Variants in CTBP2 observed in about 807,000 individuals in gnomAD.
CTBP2 encodes the protein C-terminal-binding protein 2.
Under a neutral mutation model 80.3 loss-of-function variants are expected in CTBP2, and 30 were observed. The observed-to-expected ratio is 0.37, with a 90% CI of 0.28 to 0.51. The LOEUF is 0.51. CTBP2 is among the 20% of genes least tolerant of loss of function. The pLI is 0.93. For synonymous variants in CTBP2, 594 were observed against 587.4 expected, an observed-to-expected ratio of 1.01 and a Z score of -0.16; for missense variants, 1,212 against 1,375.3, an observed-to-expected ratio of 0.88 and a Z score of 1.88.
intron 1 of CTBP2, chr10:125,159,924 C>CGCT (rs1227715507): frequency 6.5e-6 from 1 of 154,116 alleles, no homozygotes; most frequent in East Asian, 1.9e-4. Context: ...CCGCCGCCGC[C>CGCT]GCTGCCCTCC....
chr10:125,101,053 G>T (rs1054740692), intron 2 of CTBP2, among the ~76,000 whole-genome samples: 7 of 152,146 alleles, frequency 4.6e-5, no homozygotes, highest in African/African-American at 1.7e-4. Flanking sequence ...AAGATTACAC[G>T]ATCCAGGGAT....
intron 1 of CTBP2, among the ~76,000 whole-genome samples, chr10:125,111,431 C>A (rs1564944000): frequency 6.6e-6 from 1 of 152,158 alleles, no homozygotes; most frequent in African/African-American, 2.4e-5. Flanking sequence ...AGAATCAATA[C>A]CTTCAAGCAA....
At chr10:125,005,105 A>C (rs1410162319) in intron 1 of CTBP2, among the ~76,000 whole-genome samples, 1 of 152,192 alleles carries the variant, frequency 6.6e-6, no homozygotes, top group African/African-American at 2.4e-5. Flanking sequence ...TGTTAAGACT[A>C]TACACGGTGC....
intron 1 of CTBP2, among the ~76,000 whole-genome samples, chr10:125,145,250 C>T (rs1356071139): frequency 6.6e-6 from 1 of 152,138 alleles, no homozygotes; most frequent in African/African-American, 2.4e-5. Flanking sequence ...CTGCATCAGG[C>T]ACCCCCTGGA....
At chr10:125,062,639 GGATCACCTGA>G (rs1263550055) in intron 2 of CTBP2, among the ~76,000 whole-genome samples, 7 of 152,174 alleles carry the variant, frequency 4.6e-5, no homozygotes, top group African/African-American at 1.7e-4. Flanking sequence ...CAAGGCAGCT[GGATCACCTGA>G]GGTCAGTTTA....
intron 1 of CTBP2, among the ~76,000 whole-genome samples, chr10:125,113,626 A>G (rs919685623): frequency 6.6e-5 from 10 of 152,210 alleles, no homozygotes; most frequent in African/African-American, 2.4e-4. Context: ...TGGAAAAGGA[A>G]CTGGGGAGGT....
chr10:125,116,448 C>T lies in CTBP2; in HGVS notation c.-205-5355G>A, dbSNP rs562301138. ...GTCCCACCCTTCTCCCCACACTCTG[C>T]CCCTCCTCCCAACACTCTGGCCCCC... is the stretch of plus-strand genomic sequence containing the variant. On this transcript the variant is annotated intron_variant, in intron 1 of 10. Coordinates refer to the CTBP2 transcript ENST00000337195. Among the ~76,000 whole-genome samples the T allele has an allele frequency of 8.7e-5, 13 of 150,222 alleles. 1 individual carries two copies. The South Asian group carries it at 2.7e-3, about 31-fold the overall frequency.
intron 1 of CTBP2, among the ~76,000 whole-genome samples, chr10:125,117,243 C>A (rs1321439068): frequency 1.3e-5 from 2 of 152,190 alleles, no homozygotes; most frequent in Non-Finnish European, 2.9e-5. Flanking sequence ...ACTGGGATGG[C>A]CGCCAGCTGG....
intron 8 of CTBP2, among the ~76,000 whole-genome samples, chr10:124,991,021 G>A (rs1222996602): frequency 6.6e-6 from 1 of 152,228 alleles, no homozygotes; most frequent in Admixed American, 6.5e-5. Context: ...ATACTCCCAT[G>A]GCCTGAGATG....
At chr10:125,013,009 C>T (rs531030099) in intron 1 of CTBP2, among the ~76,000 whole-genome samples, 1 of 152,338 alleles carries the variant, frequency 6.6e-6, no homozygotes, top group East Asian at 1.9e-4. Context: ...GAGGTGCCCA[C>T]CTCGCCTCTC....
At chr10:125,122,625 A>G (rs1854526493) in intron 1 of CTBP2, 3 of 152,278 alleles carry the variant, frequency 2.0e-5, no homozygotes, top group Admixed American at 2.0e-4. Context: ...TACACTGTGC[A>G]AACACATGCA....
chr10:125,153,522 C>A (rs1009760442), intron 1 of CTBP2, among the ~76,000 whole-genome samples: 2 of 152,190 alleles, frequency 1.3e-5, no homozygotes, highest in African/African-American at 4.8e-5. Flanking sequence ...GCCTTTCACC[C>A]CCTCCAGCAG....
intron 2 of CTBP2, among the ~76,000 whole-genome samples, chr10:125,063,278 G>A (rs1844101614): frequency 6.6e-6 from 1 of 152,278 alleles, no homozygotes; most frequent in South Asian, 2.1e-4. Context: ...TGGGCGAATC[G>A]GTCTGGTGGG....
intron 1 of CTBP2, among the ~76,000 whole-genome samples, chr10:125,119,904 G>A (rs1263738582): frequency 6.6e-6 from 1 of 152,192 alleles, no homozygotes; most frequent in Non-Finnish European, 1.5e-5. Flanking sequence ...CAGGTTTTCG[G>A]GCCACACCAA....
At chr10:125,141,733 C>T (rs1409349840) in intron 1 of CTBP2, among the ~76,000 whole-genome samples, 1 of 152,222 alleles carries the variant, frequency 6.6e-6, no homozygotes, top group Non-Finnish European at 1.5e-5. Context: ...GGCAAATGCA[C>T]AGCAGGTACA....
chr10:125,067,882 C>T (rs1204678983), intron 2 of CTBP2, among the ~76,000 whole-genome samples: 1 of 152,212 alleles, frequency 6.6e-6, no homozygotes, highest in Non-Finnish European at 1.5e-5. Context: ...AGTGCAGTGT[C>T]TGCCCAAGAA....
intron 1 of CTBP2, among the ~76,000 whole-genome samples, chr10:125,118,895 A>G (rs1853831837): frequency 6.6e-6 from 1 of 152,230 alleles, no homozygotes; most frequent in Non-Finnish European, 1.5e-5. Flanking sequence ...CTGTAAGTGG[A>G]CAAGGCGGCT....
intron 5 of CTBP2, 80 bp downstream of exon 7, chr10:124,994,389 C>A: frequency 1.4e-6 from 2 of 1,393,906 alleles, no homozygotes; most frequent in East Asian, 2.4e-5. Context: ...CCTCCGTTGC[C>A]CTCCGTGTCC....
At chr10:125,144,747 C>T (rs902348847) in intron 1 of CTBP2, among the ~76,000 whole-genome samples, 12 of 152,230 alleles carry the variant, frequency 7.9e-5, no homozygotes, top group African/African-American at 2.2e-4. Context: ...TTAAAAACAT[C>T]GACTCTGTGG....
Sources: allele counts gnomAD v4.1 joint callset (sites outside exome capture counted in the v4.1 genomes callset), GRCh38; gene constraint gnomAD v4.1.1; transcripts MANE v1.5; gene names NCBI Gene and HGNC (gene_info 2026-07-23, HGNC 2026-07-21).